CLNK: variants seen among roughly 807,000 people sequenced by gnomAD.
CLNK encodes the protein cytokine-dependent hematopoietic cell linker.
Under a neutral mutation model 68.6 loss-of-function variants are expected in CLNK, and 74 were observed. The observed-to-expected ratio is 1.08, with a 90% CI of 0.89 to 1.31. The LOEUF is 1.31. CLNK is among the 50% of genes most tolerant of loss of function. The probability of loss-of-function intolerance (pLI) is 0.00; values close to 1 mark genes in which losing one functional copy is unlikely to be tolerated. For synonymous variants in CLNK, 198 were observed against 172.2 expected (o/e 1.15, Z -1.17); for missense variants, 553 against 515.3 (o/e 1.07, Z -0.71).
upstream of CLNK, among the ~76,000 whole-genome samples, chr4:10,686,986 A>ATATACCATACATCAGCAGCTT (rs1725295856): frequency 2.0e-5 from 3 of 152,112 alleles, no homozygotes; most frequent in Non-Finnish European, 4.4e-5. Context: ...GGTGCTGAAA[A>ATATACCATACATCAGCAGCTT]ATACAATTAG....
intron 14 of CLNK, among the ~76,000 whole-genome samples, chr4:10,524,224 C>A (rs1347076667): frequency 6.6e-6 from 1 of 151,706 alleles, no homozygotes; most frequent in East Asian, 1.9e-4. Context: ...TACCCACAGG[C>A]CAAGAAATGA....
chr4:10,600,104 C>G (rs1721535542), intron 2 of CLNK, among the ~76,000 whole-genome samples: 1 of 152,226 alleles, frequency 6.6e-6, no homozygotes, highest in African/African-American at 2.4e-5. Flanking sequence ...GCTACCCTCT[C>G]TCTCTGCCAA....
intron 2 of CLNK, among the ~76,000 whole-genome samples, chr4:10,621,238 AG>A (rs556695631): frequency 1.3e-3 from 193 of 152,290 alleles, no homozygotes; most frequent in African/African-American, 4.2e-3. Flanking sequence ...ACGCGATAGA[AG>A]TGTCTTCCTG....
chr4:10,556,079 A>G (rs1283785164), intron 8 of CLNK, among the ~76,000 whole-genome samples: 1 of 152,242 alleles, frequency 6.6e-6, no homozygotes, highest in Non-Finnish European at 1.5e-5. Context: ...GCCTCAGTTT[A>G]CACTGGAGTC....
chr4:10,616,430 C>T (rs1163221019), intron 2 of CLNK, among the ~76,000 whole-genome samples: 2 of 152,182 alleles, frequency 1.3e-5, no homozygotes, highest in African/African-American at 4.8e-5. Context: ...AGGACATATT[C>T]TTCCAATATT....
intron 1 of CLNK, among the ~76,000 whole-genome samples, chr4:10,682,124 T>TGC (rs1188187153): frequency 8.7e-6 from 1 of 115,382 alleles, no homozygotes; most frequent in Non-Finnish European, 2.1e-5. Flanking sequence ...ATTCTGTTTG[T>TGC]GTGTGTGTAT....
At chr4:10,622,813 A>G (rs558084420) in intron 2 of CLNK, among the ~76,000 whole-genome samples, 17 of 152,308 alleles carry the variant, frequency 1.1e-4, no homozygotes, top group East Asian at 3.9e-4. Flanking sequence ...TGGTGGCTGG[A>G]AGTCCAAGAT....
At chr4:10,722,674 T>C in the CLNK span, among the ~76,000 whole-genome samples, 1 of 152,226 alleles carries the variant, frequency 6.6e-6, no homozygotes, top group Non-Finnish European at 1.5e-5. Context: ...TATTGAGATC[T>C]GCTATTGTAC....
the CLNK span, among the ~76,000 whole-genome samples, chr4:10,722,075 G>T: frequency 6.6e-6 from 1 of 152,188 alleles, no homozygotes; most frequent in Non-Finnish European, 1.5e-5. Context: ...TCGGGAGGCT[G>T]AAGTGGGAGG....
chr4:10,684,557 C>T (rs961875138), intron 1 of CLNK, 111 bp downstream of exon 1: 1 of 152,172 alleles, frequency 6.6e-6, no homozygotes, highest in Non-Finnish European at 1.5e-5. Flanking sequence ...GCCCAGACTT[C>T]CACTTTAGAA....
the CLNK span, among the ~76,000 whole-genome samples, chr4:10,704,773 T>A: frequency 6.6e-6 from 1 of 152,224 alleles, no homozygotes; most frequent in African/African-American, 2.4e-5. Context: ...AACACACCTC[T>A]GAAGCTCAGA....
chr4:10,669,754 C>G (rs1724552988), intron 1 of CLNK, among the ~76,000 whole-genome samples: 1 of 152,154 alleles, frequency 6.6e-6, no homozygotes, highest in Non-Finnish European at 1.5e-5. Context: ...CCTCACCCAC[C>G]AGCCTCATCC....
At chr4:10,642,005 A>T (rs941146397) in intron 2 of CLNK, among the ~76,000 whole-genome samples, 14 of 152,128 alleles carry the variant, frequency 9.2e-5, no homozygotes, top group Admixed American at 7.9e-4. Context: ...TGGAACTGTT[A>T]GTCCATTAAA....
At chr4:10,522,642 C>CACTT (rs1350990044) in intron 14 of CLNK, among the ~76,000 whole-genome samples, 2 of 147,872 alleles carry the variant, frequency 1.4e-5, no homozygotes, top group Admixed American at 1.3e-4. Context: ...ACGTGTTGAA[C>CACTT]ACTTACTAGG....
At chr4:10,669,411 C>T (rs2108894736) in intron 1 of CLNK, among the ~76,000 whole-genome samples, 1 of 152,274 alleles carries the variant, frequency 6.6e-6, no homozygotes, top group South Asian at 2.1e-4. Flanking sequence ...TTTGTCTTGC[C>T]AGGTAAGTCT....
At chr4:10,657,409 T>C (rs899841031) in intron 2 of CLNK, among the ~76,000 whole-genome samples, 5 of 152,252 alleles carry the variant, frequency 3.3e-5, no homozygotes, top group East Asian at 1.9e-4. Context: ...ACATATCTAA[T>C]ATGTTTTATT....
At chr4:10,679,694 A>C (rs1174805692) in intron 1 of CLNK, among the ~76,000 whole-genome samples, 1 of 152,220 alleles carries the variant, frequency 6.6e-6, no homozygotes, top group East Asian at 1.9e-4. Flanking sequence ...ACCCCATCAA[A>C]AAGTGGGCAA....
At chr4:10,507,819 C>T (rs1004240563) in intron 17 of CLNK, 140 bp downstream of exon 17, 4 of 650,802 alleles carry the variant, frequency 6.1e-6, no homozygotes, top group Admixed American at 3.0e-5. Flanking sequence ...TCGACTACAG[C>T]CTCCCAGCAC....
chr4:10,688,450 G>A (rs1299053174), upstream of CLNK, among the ~76,000 whole-genome samples: 1 of 152,138 alleles, frequency 6.6e-6, no homozygotes, highest in Admixed American at 6.5e-5. Context: ...GAGGACCATG[G>A]TGCCTGGATG....
Sources: gnomAD v4.1 joint callset for allele counts (sites outside exome capture counted in the v4.1 genomes callset) on GRCh38, gnomAD v4.1.1 for gene constraint, MANE v1.5 for transcripts, NCBI Gene and HGNC (gene_info 2026-07-23, HGNC 2026-07-21) for gene names.